Variants in ZNF423 observed in about 807,000 individuals in gnomAD.
ZNF423 encodes Ebf-associated zinc finger protein.
A neutral mutation model predicts 95.8 loss-of-function variants in ZNF423; 12 were observed. The ratio of observed to expected loss-of-function variants is 0.13; its 90% CI spans 0.08 to 0.20. The LOEUF (loss-of-function observed/expected upper bound fraction) is 0.20. ZNF423 is among the 10% of genes least tolerant of loss of function. ZNF423 has a pLI of 1.00. For missense variants in ZNF423, 1,316 were observed against 1,737.1 expected, an observed-to-expected ratio of 0.76 and a Z score of 4.31; for synonymous variants, 749 against 711.9, an observed-to-expected ratio of 1.05 and a Z score of -0.83.
At chr16:49,807,480 G>A (rs554549340) in intron 1 of ZNF423, among the ~76,000 whole-genome samples, 4 of 151,962 alleles carry the variant, frequency 2.6e-5, no homozygotes, top group Admixed American at 6.6e-5. Flanking sequence ...CCACAGAAAC[G>A]AACTGTAATG....
rs1289649923 is a variant in ZNF423 at position 49,655,396 on chromosome 16, A to T, written c.302-16522T>A. 2.0e-5 allele frequency among the ~76,000 whole-genome samples: 3 copies of T among 152,198 alleles called. No homozygotes were observed. In the East Asian group the frequency reaches 5.8e-4, roughly 29 times the overall value. ...AGGTCTGCGAATGACTGAGAGTTAA[A>T]CAATCACTAGCCTATAAGCAGAACC... On this transcript the variant is annotated intron_variant, in intron 3 of 7. Transcript: ENST00000563137.
intron 3 of ZNF423, among the ~76,000 whole-genome samples, chr16:49,677,486 GAAAGA>G (rs796199498): frequency 2.4e-4 from 37 of 151,782 alleles, no homozygotes; most frequent in African/African-American, 7.7e-4. Flanking sequence ...GAAAGGAAAG[GAAAGA>G]AAAGAAAAGA....
intron 7 of ZNF423, among the ~76,000 whole-genome samples, chr16:49,510,799 C>T (rs1239198483): frequency 1.3e-5 from 2 of 152,232 alleles, no homozygotes; most frequent in African/African-American, 4.8e-5. Context: ...TACTAAGAAA[C>T]TGAAGGCATG....
intron 3 of ZNF423, among the ~76,000 whole-genome samples, chr16:49,707,275 C>T (rs1332237769): frequency 4.6e-5 from 7 of 152,176 alleles, no homozygotes; most frequent in African/African-American, 1.4e-4. Context: ...TTACCTCTTG[C>T]TCCTCTCAGA....
chr16:49,662,436 G>A (rs1485695468), intron 3 of ZNF423, among the ~76,000 whole-genome samples: 2 of 152,138 alleles, frequency 1.3e-5, no homozygotes, highest in South Asian at 2.1e-4. Context: ...AGTCACCTGC[G>A]ATATGGCAGC....
At chr16:49,753,601 TAA>T (rs34010796) in intron 2 of ZNF423, among the ~76,000 whole-genome samples, 142 of 119,198 alleles carry the variant, frequency 1.2e-3, no homozygotes, top group African/African-American at 2.8e-3. Flanking sequence ...AGACCCTATT[TAA>T]AAAAAAAAAA....
At chr16:49,791,733 G>GT (rs1401000279) in intron 1 of ZNF423, among the ~76,000 whole-genome samples, 1 of 152,184 alleles carries the variant, frequency 6.6e-6, no homozygotes, top group Non-Finnish European at 1.5e-5. Flanking sequence ...CGAACACAGT[G>GT]GTTTATGCCT....
chr16:49,795,643 AC>A (rs1012075758), intron 1 of ZNF423, among the ~76,000 whole-genome samples: 2 of 152,014 alleles, frequency 1.3e-5, no homozygotes, highest in African/African-American at 2.4e-5. Context: ...AAAACACTTC[AC>A]CGGACAGGGC....
intron 5 of ZNF423, among the ~76,000 whole-genome samples, chr16:49,593,784 C>A (rs149113605): frequency 2.9e-4 from 44 of 152,214 alleles, no homozygotes; most frequent in African/African-American, 1.0e-3. Flanking sequence ...ACTTCCTTTG[C>A]AAAGTGAGTA....
At chr16:49,644,304 G>A (rs1973088111) in intron 3 of ZNF423, among the ~76,000 whole-genome samples, 2 of 152,050 alleles carry the variant, frequency 1.3e-5, no homozygotes, top group Admixed American at 1.3e-4. Context: ...GCTGAGCCCA[G>A]GAAGTTCCAG....
intron 5 of ZNF423, among the ~76,000 whole-genome samples, chr16:49,561,077 A>C (rs1970002831): frequency 6.6e-6 from 1 of 152,084 alleles, no homozygotes; most frequent in African/African-American, 2.4e-5. Flanking sequence ...TAAACCATAG[A>C]GATAATATGT....
At chr16:49,843,183 C>G (rs2035208775) in intron 1 of ZNF423, among the ~76,000 whole-genome samples, 1 of 152,224 alleles carries the variant, frequency 6.6e-6, no homozygotes, top group Non-Finnish European at 1.5e-5. Flanking sequence ...CAAAGAAACA[C>G]TCAAACAAGA....
intron 5 of ZNF423, among the ~76,000 whole-genome samples, chr16:49,621,798 C>G (rs1025730910): frequency 2.0e-5 from 3 of 152,212 alleles, no homozygotes; most frequent in African/African-American, 7.2e-5. Flanking sequence ...GTCTGCCTCT[C>G]ACCATTTCCC....
intron 7 of ZNF423, among the ~76,000 whole-genome samples, chr16:49,496,793 T>C (rs1434795165): frequency 5.9e-5 from 9 of 152,224 alleles, no homozygotes; most frequent in Non-Finnish European, 1.3e-4. Flanking sequence ...GCATGAGGAC[T>C]GTCTTCTGGT....
At chr16:49,813,898 G>GC (rs1405508583) in intron 1 of ZNF423, among the ~76,000 whole-genome samples, 1 of 152,156 alleles carries the variant, frequency 6.6e-6, no homozygotes. Flanking sequence ...GTCCACATCC[G>GC]CCCCCCAACT....
intron 5 of ZNF423, among the ~76,000 whole-genome samples, chr16:49,604,920 T>C (rs964407451): frequency 6.6e-6 from 1 of 152,114 alleles, no homozygotes; most frequent in Non-Finnish European, 1.5e-5. Flanking sequence ...AGAATCAGAA[T>C]GCAAAGGAAC....
chr16:49,614,011 A>G (rs186741684), intron 5 of ZNF423, among the ~76,000 whole-genome samples: 25 of 152,384 alleles, frequency 1.6e-4, no homozygotes, highest in Admixed American at 1.6e-3. Context: ...AGATAAAATG[A>G]CAAGCTCCAG....
intron 4 of ZNF423, among the ~76,000 whole-genome samples, chr16:49,629,266 C>T (rs1162102991): frequency 6.6e-6 from 1 of 152,158 alleles, no homozygotes; most frequent in Non-Finnish European, 1.5e-5. Context: ...TTGAGTCTTG[C>T]TTTTTTCTTT....
chr16:49,664,337 A>G, intron 3 of ZNF423: 1 of 968,152 alleles, frequency 1.0e-6, no homozygotes, highest in Non-Finnish European at 1.2e-6. Flanking sequence ...AGCTAGCGGG[A>G]GAGGAAGGGC....
Sources: allele counts gnomAD v4.1 joint callset (sites outside exome capture counted in the v4.1 genomes callset), GRCh38; gene constraint gnomAD v4.1.1; transcripts MANE v1.5; gene names NCBI Gene and HGNC (gene_info 2026-07-23, HGNC 2026-07-21).